Variants in IQCM observed in about 807,000 individuals in gnomAD.
IQCM encodes the protein IQ motif containing M, also known as IQ domain-containing protein M.
A neutral mutation model predicts 57.6 loss-of-function variants in IQCM; 45 were observed. The ratio of observed to expected loss-of-function variants is 0.78; its 90% CI spans 0.62 to 1.00. The LOEUF is 1.00. Ranked by LOEUF, IQCM falls within the 50% of genes least tolerant of loss-of-function variation. The pLI is 0.00. For missense variants in IQCM, 468 were observed against 511.6 expected (o/e 0.91, Z 0.82); for synonymous variants, 148 against 158.9 (o/e 0.93, Z 0.51).
Position 149,705,761 on chromosome 4 carries a change from A to G in IQCM, c.386-19293T>C, listed in dbSNP as rs1036569213. ...AAGGTTTTAAAAATATGCTACTAAA[A>G]ATAATTGTTGGGTTATGGAGAGTTA... On this transcript the variant is annotated intron_variant, in intron 5 of 13. Coordinates refer to ENST00000636793, the MANE Select transcript of IQCM (RefSeq NM_001363507.2). Among the ~76,000 whole-genome samples, 4 of 151,910 alleles carry G rather than the reference A, an allele frequency of 2.6e-5. No homozygotes were observed. The South Asian group carries it at 8.3e-4, about 31-fold the overall frequency.
intron 7 of IQCM, among the ~76,000 whole-genome samples, chr4:149,630,171 T>C (rs1757141520): frequency 1.3e-5 from 2 of 152,180 alleles, no homozygotes; most frequent in Non-Finnish European, 2.9e-5. Flanking sequence ...CTATCAAAGA[T>C]TGACTTTTGC....
intron 8 of IQCM, among the ~76,000 whole-genome samples, chr4:149,592,599 T>G: frequency 6.6e-6 from 1 of 151,854 alleles, no homozygotes; most frequent in East Asian, 1.9e-4. Flanking sequence ...AGGTCTAACA[T>G]TTAAGTCTTT....
chr4:149,575,518 G>GT (rs1450119402), intron 9 of IQCM, among the ~76,000 whole-genome samples: 1 of 151,774 alleles, frequency 6.6e-6, no homozygotes, highest in Non-Finnish European at 1.5e-5. Context: ...TTTTAAAATA[G>GT]TTTAAGTACC....
At chr4:149,564,360 G>A (rs1750410847) in intron 9 of IQCM, among the ~76,000 whole-genome samples, 1 of 152,144 alleles carries the variant, frequency 6.6e-6, no homozygotes, top group African/African-American at 2.4e-5. Flanking sequence ...GTAGGATCAT[G>A]GCCTATAGGA....
chr4:149,488,930 G>A (rs533645366), intron 12 of IQCM, among the ~76,000 whole-genome samples: 2 of 152,056 alleles, frequency 1.3e-5, no homozygotes, highest in Non-Finnish European at 2.9e-5. Context: ...TGACATGAAT[G>A]GCTATGCAAA....
chr4:149,810,049 G>A (rs891278300), intron 2 of IQCM, among the ~76,000 whole-genome samples: 4 of 151,648 alleles, frequency 2.6e-5, no homozygotes, highest in Non-Finnish European at 4.4e-5. Context: ...CTCCTCCCTC[G>A]GTCATAGATC....
intron 7 of IQCM, among the ~76,000 whole-genome samples, chr4:149,656,143 G>A (rs546702519): frequency 6.6e-6 from 1 of 152,014 alleles, no homozygotes; most frequent in Non-Finnish European, 1.5e-5. Context: ...GAAACTCAAA[G>A]GAGAGCATAC....
chr4:149,774,195 A>T (rs540284042), intron 2 of IQCM, among the ~76,000 whole-genome samples: 42 of 152,086 alleles, frequency 2.8e-4, no homozygotes, highest in South Asian at 2.7e-3. Flanking sequence ...GTAAAAAAAA[A>T]TTTTTTTTAT....
chr4:149,719,093 C>T (rs1220480537), intron 5 of IQCM, among the ~76,000 whole-genome samples: 1 of 151,816 alleles, frequency 6.6e-6, no homozygotes, highest in East Asian at 1.9e-4. Context: ...GCCTGTAATC[C>T]CAGCACTTTG....
chr4:149,674,484 G>T (rs1008504627), intron 7 of IQCM, among the ~76,000 whole-genome samples: 4 of 152,192 alleles, frequency 2.6e-5, no homozygotes, highest in Admixed American at 1.3e-4. Context: ...TATCGTAAAT[G>T]CTAGAAATCA....
chr4:149,502,733 T>C (rs1487784942), intron 12 of IQCM, among the ~76,000 whole-genome samples: 1 of 150,838 alleles, frequency 6.6e-6, no homozygotes, highest in African/African-American at 2.4e-5. Flanking sequence ...GAGAGAGAAA[T>C]GGAAGAAATG....
intron 13 of IQCM, among the ~76,000 whole-genome samples, chr4:149,424,701 C>G (rs911292743): frequency 5.9e-5 from 9 of 151,750 alleles, no homozygotes; most frequent in African/African-American, 2.2e-4. Flanking sequence ...AATGACATAA[C>G]TGTAATGGTC....
At chr4:149,543,721 T>C (rs1358490232) in intron 12 of IQCM, among the ~76,000 whole-genome samples, 2 of 146,888 alleles carry the variant, frequency 1.4e-5, no homozygotes, top group African/African-American at 5.1e-5. Context: ...ACCCTAAAAC[T>C]TAAAGTATAA....
At chr4:149,470,947 T>C (rs973489384) in intron 12 of IQCM, among the ~76,000 whole-genome samples, 1 of 152,084 alleles carries the variant, frequency 6.6e-6, no homozygotes. Context: ...CATACCAGAA[T>C]CTCTGGGACA....
At chr4:149,607,848 A>G (rs917619180) in intron 8 of IQCM, among the ~76,000 whole-genome samples, 5 of 151,908 alleles carry the variant, frequency 3.3e-5, no homozygotes, top group African/African-American at 1.2e-4. Flanking sequence ...ACAAAGGAAG[A>G]TGGATGGAAG....
chr4:149,547,656 C>T (rs1470118396), intron 12 of IQCM, among the ~76,000 whole-genome samples: 21 of 152,192 alleles, frequency 1.4e-4, no homozygotes. Flanking sequence ...CCTCACCACA[C>T]ACTCACACTT....
intron 12 of IQCM, among the ~76,000 whole-genome samples, chr4:149,488,444 C>A (rs1298490609): frequency 6.6e-6 from 1 of 152,068 alleles, no homozygotes; most frequent in Non-Finnish European, 1.5e-5. Flanking sequence ...TTTGAAACAA[C>A]CAAATTTGAA....
intron 7 of IQCM, among the ~76,000 whole-genome samples, chr4:149,669,180 T>A (rs1205265953): frequency 6.6e-6 from 1 of 152,172 alleles, no homozygotes; most frequent in African/African-American, 2.4e-5. Flanking sequence ...TTCTAACTGG[T>A]ATGAGATGGT....
chr4:149,535,471 T>C (rs975114688), intron 12 of IQCM, among the ~76,000 whole-genome samples: 1 of 152,028 alleles, frequency 6.6e-6, no homozygotes, highest in Non-Finnish European at 1.5e-5. Context: ...TTACGAGTAC[T>C]GGGTGTATAA....
Sources: allele counts gnomAD v4.1 joint callset (sites outside exome capture counted in the v4.1 genomes callset), GRCh38; gene constraint gnomAD v4.1.1; transcripts MANE v1.5; gene names NCBI Gene and HGNC (gene_info 2026-07-23, HGNC 2026-07-21).